Variants in EFCAB11 observed in about 807,000 individuals in gnomAD.
EFCAB11 encodes the protein EF-hand calcium binding domain 11.
In EFCAB11, 14 loss-of-function variants were observed where a neutral mutation model predicts 23.0. The ratio of observed to expected loss-of-function variants is 0.61; its 90% CI spans 0.40 to 0.95. EFCAB11 has a LOEUF of 0.95. EFCAB11 is among the 40% of genes least tolerant of loss of function. EFCAB11 has a pLI of 0.00. For missense variants in EFCAB11, 198 were observed against 195.8 expected (o/e 1.01, Z -0.07); for synonymous variants, 65 against 66.6 (o/e 0.98, Z 0.11).
Position 89,795,030 on chromosome 14 carries a change from T to A in EFCAB11, c.*2213A>T, listed in dbSNP as rs961197544. 7.3e-6 allele frequency: 1 copy of A among 137,394 alleles called. No homozygotes were observed. The highest frequency in any genetic ancestry group is 1.5e-5 in the Non-Finnish European group (1 of 66,056). The allele number at this position is 137,394 out of a possible 1,614,324, so 8.5% of individuals were successfully genotyped here. ...TCTCGCTCTGTTGCCCAGACTGGAGTGCAGTGGCACCATTTCAGCTCACTG... is the reference window on the plus strand; with the variant it reads ...TCTCGCTCTGTTGCCCAGACTGGAGAGCAGTGGCACCATTTCAGCTCACTG... On this transcript the variant is annotated 3_prime_UTR_variant, in exon 6 of 6. Transcript: ENST00000316738.
At chr14:89,888,253 T>A (rs1888854611) in intron 5 of EFCAB11, among the ~76,000 whole-genome samples, 1 of 152,262 alleles carries the variant, frequency 6.6e-6, no homozygotes, top group Non-Finnish European at 1.5e-5. Context: ...GGTGCCCTTA[T>A]AAGGGGCTGA....
intron 3 of EFCAB11, among the ~76,000 whole-genome samples, chr14:89,946,868 A>C (rs190543409): frequency 1.7e-3 from 262 of 151,476 alleles, no homozygotes; most frequent in African/African-American, 5.7e-3. Flanking sequence ...GTGAGTCACC[A>C]CTCCCAGCCA....
At chr14:89,811,908 T>C (rs907572114) in intron 5 of EFCAB11, among the ~76,000 whole-genome samples, 7 of 152,252 alleles carry the variant, frequency 4.6e-5, no homozygotes, top group Admixed American at 4.6e-4. Context: ...TTCGGATATT[T>C]AAGTTTTACA....
intron 5 of EFCAB11, among the ~76,000 whole-genome samples, chr14:89,902,723 A>G (rs1889379810): frequency 6.6e-6 from 1 of 152,200 alleles, no homozygotes; most frequent in Non-Finnish European, 1.5e-5. Flanking sequence ...ACACCACTGA[A>G]CTAAATGCTG....
intron 5 of EFCAB11, among the ~76,000 whole-genome samples, chr14:89,810,024 C>T (rs1466220238): frequency 6.6e-6 from 1 of 152,150 alleles, no homozygotes; most frequent in Non-Finnish European, 1.5e-5. Context: ...GGTGAAGGAA[C>T]CCATGTTTTC....
intron 5 of EFCAB11, among the ~76,000 whole-genome samples, chr14:89,844,636 A>G (rs1199199736): frequency 1.3e-5 from 2 of 152,090 alleles, no homozygotes; most frequent in Non-Finnish European, 2.9e-5. Context: ...CATGGCTAAC[A>G]CTTCCCCCAA....
chr14:89,945,321 C>T (rs532334940), intron 3 of EFCAB11, among the ~76,000 whole-genome samples: 2 of 152,238 alleles, frequency 1.3e-5, no homozygotes, highest in Admixed American at 1.3e-4. Flanking sequence ...AAGCTGAGGT[C>T]ATCAGTTTGA....
At chr14:89,906,534 G>A (rs899402768) in intron 5 of EFCAB11, among the ~76,000 whole-genome samples, 2 of 152,056 alleles carry the variant, frequency 1.3e-5, no homozygotes, top group African/African-American at 4.8e-5. Flanking sequence ...TGATGTCTAC[G>A]GTTTTTCCTA....
At chr14:89,885,681 A>C (rs943243041) in intron 5 of EFCAB11, among the ~76,000 whole-genome samples, 2 of 150,984 alleles carry the variant, frequency 1.3e-5, no homozygotes, top group Non-Finnish European at 2.9e-5. Context: ...TGTTGAAAAA[A>C]AAAAAGAGAG....
intron 5 of EFCAB11, among the ~76,000 whole-genome samples, chr14:89,877,536 A>C (rs542926274): frequency 1.3e-5 from 2 of 152,312 alleles, no homozygotes; most frequent in African/African-American, 4.8e-5. Flanking sequence ...ACCATTTTCC[A>C]CAATTTAAAA....
intron 5 of EFCAB11, among the ~76,000 whole-genome samples, chr14:89,827,712 T>C (rs1886745779): frequency 6.6e-6 from 1 of 150,616 alleles, no homozygotes; most frequent in African/African-American, 2.4e-5. Flanking sequence ...TGGCTCATTG[T>C]ACCCTCCGCC....
chr14:89,844,058 T>G (rs1387498239), intron 5 of EFCAB11, among the ~76,000 whole-genome samples: 1 of 152,254 alleles, frequency 6.6e-6, no homozygotes, highest in African/African-American at 2.4e-5. Flanking sequence ...GTAGTTTGTC[T>G]GTCAGTCACT....
At chr14:89,929,610 T>C (rs1890319315) in intron 5 of EFCAB11, among the ~76,000 whole-genome samples, 1 of 152,132 alleles carries the variant, frequency 6.6e-6, no homozygotes, top group African/African-American at 2.4e-5. Flanking sequence ...GGTCTCGAAT[T>C]CCTGACTTCA....
chr14:89,896,769 A>C (rs894171490), intron 5 of EFCAB11, among the ~76,000 whole-genome samples: 6 of 152,008 alleles, frequency 3.9e-5, no homozygotes, highest in African/African-American at 9.7e-5. Flanking sequence ...TAGCTCACTG[A>C]AGCCTCAAAC....
chr14:89,943,176 C>T (rs1347304648), intron 3 of EFCAB11, among the ~76,000 whole-genome samples: 2 of 151,650 alleles, frequency 1.3e-5, no homozygotes, highest in Non-Finnish European at 2.9e-5. Flanking sequence ...CTGTATTATA[C>T]AGAACAACTT....
chr14:89,838,927 C>A (rs748436304), intron 5 of EFCAB11, among the ~76,000 whole-genome samples: 4 of 152,094 alleles, frequency 2.6e-5, no homozygotes, highest in Admixed American at 6.5e-5. Flanking sequence ...GATAAATTCA[C>A]TAGAATTGAT....
intron 5 of EFCAB11, among the ~76,000 whole-genome samples, chr14:89,827,374 G>A (rs1212647450): frequency 6.6e-6 from 1 of 152,128 alleles, no homozygotes. Flanking sequence ...TTATAGGAGT[G>A]AGCCTCACAG....
intron 5 of EFCAB11, chr14:89,836,648 T>G (rs1289741404): frequency 2.2e-6 from 1 of 456,654 alleles, no homozygotes; most frequent in Admixed American, 2.3e-5. Context: ...TTCTAGCTCA[T>G]TATTAATGTA....
At chr14:89,819,085 G>A (rs1270603290) in intron 5 of EFCAB11, among the ~76,000 whole-genome samples, 8 of 152,144 alleles carry the variant, frequency 5.3e-5, no homozygotes, top group Non-Finnish European at 1.2e-4. Context: ...GTTCACAGCT[G>A]CTTTATTTGT....
Sources: gnomAD v4.1 joint callset for allele counts (sites outside exome capture counted in the v4.1 genomes callset) on GRCh38, gnomAD v4.1.1 for gene constraint, MANE v1.5 for transcripts, NCBI Gene and HGNC (gene_info 2026-07-23, HGNC 2026-07-21) for gene names.